The following PDE2A variants were observed in gnomAD, a reference collection of about 807,000 sequenced individuals.
PDE2A encodes the protein phosphodiesterase 2A.
Under a neutral mutation model 133.6 loss-of-function variants are expected in PDE2A, and 53 were observed. That is an observed-to-expected ratio of 0.40 (90% CI 0.32 to 0.50). The LOEUF is 0.50. PDE2A is among the 20% of genes least tolerant of loss of function. The probability of loss-of-function intolerance (pLI) is 0.73; values close to 1 mark genes in which losing one functional copy is unlikely to be tolerated. For missense variants in PDE2A, 796 were observed against 1,232.4 expected (o/e 0.65, Z 5.30); for synonymous variants, 491 against 490.2 (o/e 1.00, Z -0.02).
At chr11:72,643,240 T>C (rs1859034414) in intron 1 of PDE2A, 2 of 152,198 alleles carry the variant, frequency 1.3e-5, no homozygotes, top group South Asian at 2.1e-4. Flanking sequence ...CGGCCTCAGT[T>C]GCCGGCTGCC....
At chr11:72,665,944 G>A (rs1415392295) in intron 1 of PDE2A, among the ~76,000 whole-genome samples, 1 of 151,656 alleles carries the variant, frequency 6.6e-6, no homozygotes, top group Non-Finnish European at 1.5e-5. Flanking sequence ...AGCAACTACT[G>A]CAAAGAAGAA....
At position 72,669,103 on chromosome 11, in the gene PDE2A, C is replaced by A. The variant is rs1303911185; in HGVS notation, c.71+5034G>T. 5 of 309,250 alleles carry A rather than the reference C, an allele frequency of 1.6e-5. 1 individual carries two copies. The highest frequency in any genetic ancestry group is 2.3e-5 in the African/African-American group (1 of 44,414). 19.2% of individuals were successfully genotyped at this position (309,250 alleles called of 1,614,324 possible). ...CAAGAAAGGATAATTATCTCCACCC[C>A]ACTATTCACACAAGGTTCAGAGAAG... is the stretch of plus-strand genomic sequence containing the variant. On this transcript the variant is annotated intron_variant, in intron 1 of 30. Coordinates refer to ENST00000334456, the MANE Select transcript of PDE2A (RefSeq NM_002599.5).
chr11:72,578,329 A>G lies in PDE2A; in HGVS notation c.2519T>C (p.Met840Thr), dbSNP rs748187473. Residue 840 changes from methionine (M) to threonine (T), a missense_variant, in exon 30 of 31, where the codon ATG (methionine) becomes ACG (threonine). Met to Thr is a moderately conservative substitution (Grantham distance 81). Transcript: ENST00000334456. The surrounding 1 kb of genome is among the most constrained non-coding windows in gnomAD (Gnocchi z 4.2). ...CATCATCTCCATCGGCCTGTTGCCC[A>G]TGGCCTTCTCCTGCAGGCATCGAGT... Reference protein sequence around the residue: ...FFSQGDLEKAMGNRPMEMMDR... With the variant: ...FFSQGDLEKATGNRPMEMMDR... 1 of 1,613,210 alleles carries G rather than the reference A, an allele frequency of 6.2e-7. No homozygotes were observed. The highest frequency in any genetic ancestry group is 8.5e-7 in the Non-Finnish European group (1 of 1,179,254).
intron 6 of PDE2A, 125 bp downstream of exon 6, chr11:72,596,468 T>TCACACA (rs1263482721): frequency 5.6e-5 from 10 of 178,330 alleles, no homozygotes; most frequent in Admixed American, 1.1e-4. Context: ...TCTCTCTCTC[T>TCACACA]CTCTCTCTCT....
At chr11:72,666,744 A>G (rs1855243115) in intron 1 of PDE2A, among the ~76,000 whole-genome samples, 1 of 152,194 alleles carries the variant, frequency 6.6e-6, no homozygotes, top group African/African-American at 2.4e-5. Flanking sequence ...ATGGCACTCT[A>G]CATACATGTA....
chr11:72,581,982 C>A, intron 21 of PDE2A, 35 bp from the exon 22 acceptor site: 1 of 1,569,690 alleles, frequency 6.4e-7, no homozygotes, highest in South Asian at 1.1e-5. Flanking sequence ...AGAGGGGCTG[C>A]CAGTATCAAG....
intron 4 of PDE2A, among the ~76,000 whole-genome samples, chr11:72,600,351 T>C (rs1353147153): frequency 6.6e-6 from 1 of 152,130 alleles, no homozygotes; most frequent in Non-Finnish European, 1.5e-5. Flanking sequence ...AGACCAATCT[T>C]GATAAGCCGA....
At chr11:72,630,889 C>T (rs1858343494) in intron 2 of PDE2A, among the ~76,000 whole-genome samples, 1 of 151,946 alleles carries the variant, frequency 6.6e-6, no homozygotes, top group African/African-American at 2.4e-5. Context: ...GGAGGACTTC[C>T]AGGCTGGGGA....
chr11:72,624,326 C>T (rs1591089954), intron 2 of PDE2A, among the ~76,000 whole-genome samples: 1 of 152,192 alleles, frequency 6.6e-6, no homozygotes, highest in Non-Finnish European at 1.5e-5. Context: ...GTTACTTTCC[C>T]GCCTGAACCC....
At chr11:72,668,452 A>G (rs982173158) in intron 1 of PDE2A, 17 of 713,268 alleles carry the variant, frequency 2.4e-5, no homozygotes, top group Admixed American at 2.0e-4. Flanking sequence ...AGAAGTCGTA[A>G]TTATGGCTTA....
At position 72,633,206 on chromosome 11, in the gene PDE2A, G is replaced by A. The variant is rs1487325015; in HGVS notation, c.144+9048C>T. 2.0e-5 allele frequency among the ~76,000 whole-genome samples: 3 copies of A among 152,326 alleles called. No individual in the cohort carries two copies. The East Asian group carries it at 5.8e-4, about 29-fold the overall frequency. On this transcript the variant is annotated intron_variant, in intron 2 of 30. Coordinates refer to ENST00000334456, the MANE Select transcript of PDE2A (RefSeq NM_002599.5). Reference sequence around the variant, plus strand: ...GGACCCTAGTCCAGGCCAGGGCTGTGTCCAAGCCACCAGCCAGGGAGGTCA... The same window carrying A: ...GGACCCTAGTCCAGGCCAGGGCTGTATCCAAGCCACCAGCCAGGGAGGTCA...
chr11:72,610,126 A>G (rs2135365677), intron 2 of PDE2A, among the ~76,000 whole-genome samples: 1 of 152,266 alleles, frequency 6.6e-6, no homozygotes, highest in Middle Eastern at 3.4e-3. Flanking sequence ...TGGATAACCC[A>G]GGGATGCCTC....
At chr11:72,665,925 G>GA (rs200002691) in intron 1 of PDE2A, among the ~76,000 whole-genome samples, 2,472 of 149,538 alleles carry the variant, frequency 0.017, 27 homozygotes, top group Non-Finnish European at 0.026. Flanking sequence ...AAAAAAACAC[G>GA]AAAAAAAAAG....
At chr11:72,617,082 C>T (rs1255174354) in intron 2 of PDE2A, among the ~76,000 whole-genome samples, 1 of 152,224 alleles carries the variant, frequency 6.6e-6, no homozygotes, top group Non-Finnish European at 1.5e-5. Flanking sequence ...GTCCCAGAGT[C>T]CTGCTTGTCT....
chr11:72,578,903 C>A lies in PDE2A; in HGVS notation c.2463G>T (p.Lys821Asn). Residue 821 changes from lysine (K) to asparagine (N), a missense_variant, in exon 28 of 31, where the codon AAG becomes AAT. This residue lies in a region of PDE2A where 28 missense variants were observed against 86.0 expected (regional missense o/e 0.33). Coordinates refer to ENST00000334456, the MANE Select transcript of PDE2A (RefSeq NM_002599.5). The surrounding 1 kb of genome is among the most constrained non-coding windows in gnomAD (Gnocchi z 4.2). ...DQTKGWKTTRKIAELIYKEFF... is the reference protein window; with the variant it reads ...DQTKGWKTTRNIAELIYKEFF... Reference sequence around the variant, plus strand: ...CAGGGAGGACTACACCTACCGCGATCTTTCTCGTAGTCTTCCAGCCCTTGG... The same window carrying A: ...CAGGGAGGACTACACCTACCGCGATATTTCTCGTAGTCTTCCAGCCCTTGG... 1 of 1,608,732 alleles carries A rather than the reference C, an allele frequency of 6.2e-7. No individual in the cohort carries two copies. The highest frequency in any genetic ancestry group is 8.5e-7 in the Non-Finnish European group (1 of 1,175,156).
chr11:72,581,319 C>A, intron 23 of PDE2A, 38 bp downstream of exon 23: 1 of 1,609,744 alleles, frequency 6.2e-7, no homozygotes, highest in African/African-American at 1.3e-5. Flanking sequence ...GAGGGGACCC[C>A]AGTGGCTGCC....
At chr11:72,633,948 C>T (rs151031002) in intron 2 of PDE2A, among the ~76,000 whole-genome samples, 2 of 152,322 alleles carry the variant, frequency 1.3e-5, no homozygotes, top group South Asian at 2.1e-4. Flanking sequence ...CAGCACTGGG[C>T]TCTGCCTCAG....
chr11:72,596,482 TCTCACACACACACA>T, intron 6 of PDE2A, 97 bp downstream of exon 6: 2 of 217,264 alleles, frequency 9.2e-6, no homozygotes, highest in Non-Finnish European at 7.5e-6. Context: ...TCTCTCTCTC[TCTCACACACACACA>T]CACACACACA....
At chr11:72,593,366 A>G (rs142254347) in intron 6 of PDE2A, among the ~76,000 whole-genome samples, 65 of 151,696 alleles carry the variant, frequency 4.3e-4, no homozygotes, top group Middle Eastern at 3.4e-3. Flanking sequence ...ACCCCCACAC[A>G]CTCATGGCTT....
Sources: gnomAD v4.1 joint callset for allele counts (sites outside exome capture counted in the v4.1 genomes callset) on GRCh38, gnomAD v4.1.1 for gene constraint, gnomAD v4.1.1 regional missense constraint, Gnocchi (gnomAD v3.1) non-coding constraint, MANE v1.5 for transcripts, NCBI Gene and HGNC (gene_info 2026-07-23, HGNC 2026-07-21) for gene names.